The following AHCYL2 variants were observed in gnomAD, a reference collection of about 807,000 sequenced individuals.
The protein encoded by AHCYL2 is adenosylhomocysteinase like 2.
AHCYL2 carries 28 observed loss-of-function variants against 81.4 expected under a neutral mutation model. That is an observed-to-expected ratio of 0.34 (90% confidence interval 0.25 to 0.47). The LOEUF is 0.47. Ranked by LOEUF, AHCYL2 falls within the 20% of genes least tolerant of loss-of-function variation. The pLI, the probability that AHCYL2 is intolerant of heterozygous loss-of-function variation, is 1.00. For missense variants in AHCYL2, 551 were observed against 785.1 expected, an observed-to-expected ratio of 0.70 and a Z score of 3.56; for synonymous variants, 272 against 290.2, an observed-to-expected ratio of 0.94 and a Z score of 0.64.
At chr7:129,375,871 T>C in intron 1 of AHCYL2, 3 of 1,536,062 alleles carry the variant, frequency 2.0e-6, no homozygotes, top group South Asian at 1.2e-5. Flanking sequence ...AATGTCACTA[T>C]GCTGGGCAGC....
intron 2 of AHCYL2, among the ~76,000 whole-genome samples, chr7:129,386,651 T>C (rs928833800): frequency 1.3e-5 from 2 of 152,124 alleles, no homozygotes; most frequent in Non-Finnish European, 2.9e-5. Context: ...AAGCCAGAAA[T>C]TGGAATGCTT....
rs10526470 is a variant in AHCYL2, at chr7:129,365,628, G to GTATATATATATATA, written c.364-14006_364-13993dup. ...TAATACAGTTTACCTGGAGGATAGA[G>GTATATATATATATA]TATATATATATATATATGGGTATGA... On this transcript the variant is annotated intron_variant, in intron 1 of 16. Coordinates refer to ENST00000325006, the MANE Select transcript of AHCYL2 (RefSeq NM_015328.4). 2.3e-3 allele frequency among the ~76,000 whole-genome samples: 280 copies of GTATATATATATATA among 124,320 alleles called. 21 individuals carry two copies. The highest frequency in any genetic ancestry group is 7.2e-3 in the African/African-American group (216 of 29,992). The allele number at this position is 124,320 out of a possible 152,430, so 81.6% of individuals were successfully genotyped here. A position where few individuals can be genotyped will look rare whatever the true frequency, so the allele number is the denominator to read the frequency against.
At chr7:129,316,831 A>G (rs982042853) in intron 1 of AHCYL2, among the ~76,000 whole-genome samples, 4 of 152,250 alleles carry the variant, frequency 2.6e-5, no homozygotes, top group Non-Finnish European at 5.9e-5. Flanking sequence ...TAAAACAACA[A>G]CAACAACAAC....
intron 1 of AHCYL2, among the ~76,000 whole-genome samples, chr7:129,352,002 T>C (rs1793582935): frequency 6.6e-6 from 1 of 151,562 alleles, no homozygotes; most frequent in East Asian, 1.9e-4. Context: ...GATGAAGCCA[T>C]TAAAATGATT....
chr7:129,381,252 A>G (rs1300017893), intron 2 of AHCYL2, among the ~76,000 whole-genome samples: 2 of 152,156 alleles, frequency 1.3e-5, no homozygotes, highest in African/African-American at 2.4e-5. Flanking sequence ...TACACACTAG[A>G]TATACATATC....
chr7:129,302,643 A>G (rs1797293428), intron 1 of AHCYL2, among the ~76,000 whole-genome samples: 2 of 152,188 alleles, frequency 1.3e-5, no homozygotes, highest in Admixed American at 1.3e-4. Context: ...CTTCACTCTG[A>G]TGATAGGCTG....
At chr7:129,322,423 C>G (rs1389912415) in intron 1 of AHCYL2, among the ~76,000 whole-genome samples, 3 of 149,634 alleles carry the variant, frequency 2.0e-5, no homozygotes, top group Non-Finnish European at 4.4e-5. Context: ...TACAGGCGCA[C>G]TGCGCCCAGC....
At chr7:129,229,136 C>T (rs1055618626) in intron 1 of AHCYL2, among the ~76,000 whole-genome samples, 18 of 151,474 alleles carry the variant, frequency 1.2e-4, no homozygotes, top group Non-Finnish European at 2.2e-4. Context: ...GGTGCAATCT[C>T]AGCTCACCGC....
intron 1 of AHCYL2, among the ~76,000 whole-genome samples, chr7:129,303,772 T>C (rs1797331495): frequency 6.6e-6 from 1 of 152,150 alleles, no homozygotes; most frequent in Admixed American, 6.5e-5. Flanking sequence ...TTTTTTGATA[T>C]AGGAACTTAT....
intron 4 of AHCYL2, among the ~76,000 whole-genome samples, chr7:129,392,447 C>T (rs987368689): frequency 6.6e-6 from 1 of 152,210 alleles, no homozygotes; most frequent in Non-Finnish European, 1.5e-5. Context: ...CAAGCTTCCT[C>T]AGGCTTGTTT....
At chr7:129,380,692 C>T (rs1308477577) in intron 2 of AHCYL2, among the ~76,000 whole-genome samples, 2 of 152,100 alleles carry the variant, frequency 1.3e-5, no homozygotes, top group African/African-American at 4.8e-5. Flanking sequence ...GATATCACTT[C>T]CTATGGATTT....
chr7:129,353,211 G>A (rs1793628882), intron 1 of AHCYL2, among the ~76,000 whole-genome samples: 2 of 152,278 alleles, frequency 1.3e-5, no homozygotes, highest in South Asian at 4.1e-4. Context: ...GCCTCCCGAA[G>A]TGCTGGGATT....
At chr7:129,304,694 C>G (rs1026297899) in intron 1 of AHCYL2, among the ~76,000 whole-genome samples, 8 of 152,202 alleles carry the variant, frequency 5.3e-5, no homozygotes, top group South Asian at 2.1e-4. Context: ...GATACAAATA[C>G]AGTTAGTCTT....
In AHCYL2 at chr7:129,370,432, C is replaced by G. The variant is rs574376207; in HGVS notation, c.364-9206C>G. Reference sequence around the variant, plus strand: ...AAATTTGCAGCCGGGTGCGGTGGCTCACGCCTGTAATCCCAGCACTTTGGG... The same window carrying G: ...AAATTTGCAGCCGGGTGCGGTGGCTGACGCCTGTAATCCCAGCACTTTGGG... On this transcript the variant is annotated intron_variant, in intron 1 of 16. Transcript: ENST00000325006. Among the ~76,000 whole-genome samples, 128 of 152,214 alleles carry G rather than the reference C, an allele frequency of 8.4e-4. 1 individual carries two copies. Among genetic ancestry groups the G allele is most frequent in the African/African-American group, 2.5e-3 (104 of 41,544 alleles).
chr7:129,376,415 G>A (rs942764363), intron 1 of AHCYL2, among the ~76,000 whole-genome samples: 2 of 152,126 alleles, frequency 1.3e-5, no homozygotes, highest in South Asian at 2.1e-4. Context: ...ACTTGAATTC[G>A]GTGTCTAACC....
chr7:129,278,064 C>T (rs537649328), intron 1 of AHCYL2, among the ~76,000 whole-genome samples: 1 of 152,194 alleles, frequency 6.6e-6, no homozygotes, highest in Non-Finnish European at 1.5e-5. Flanking sequence ...TCCACATCCT[C>T]ATCAACATTT....
chr7:129,318,514 T>C (rs1158470424), intron 1 of AHCYL2, among the ~76,000 whole-genome samples: 1 of 152,242 alleles, frequency 6.6e-6, no homozygotes, highest in Admixed American at 6.5e-5. Flanking sequence ...AGGTGGCATT[T>C]TAAATCCATG....
rs187169065 is a variant in AHCYL2, at chr7:129,358,908, A to G, written c.364-20730A>G. Among the ~76,000 whole-genome samples, 1,091 of 152,346 alleles carry G rather than the reference A, an allele frequency of 7.2e-3. 4 individuals carry two copies. The highest frequency in any genetic ancestry group is 0.017 in the Middle Eastern group (5 of 294). On this transcript the variant is annotated intron_variant, in intron 1 of 16. Transcript: ENST00000325006. The stretch of plus-strand genomic sequence containing the variant: ...ACTGGAATACTGAGATCTTGCTGGT[A>G]GGAATATAAACTAGAACAAGTATTT...
rs1797404524 is a variant in AHCYL2, at chr7:129,427,248, C to T, written c.*203C>T. The T allele has an allele frequency of 3.8e-6, 2 of 525,246 alleles. No individual in the cohort carries two copies. The highest frequency in any genetic ancestry group is 6.6e-6 in the Non-Finnish European group (2 of 300,862). 32.5% of individuals were successfully genotyped at this position (525,246 alleles called of 1,614,324 possible). ...CAGAGTGTGGTTACTGCCCTGAGGG[C>T]CATGAAAGCCACAGAGGATGGGCTG... On this transcript the variant is annotated 3_prime_UTR_variant, in exon 17 of 17. Transcript: ENST00000325006. This position sits in a 1 kb window ranked among gnomAD's most constrained non-coding sequence, Gnocchi z 5.5.
Sources: allele counts gnomAD v4.1 joint callset (sites outside exome capture counted in the v4.1 genomes callset), GRCh38; gene constraint gnomAD v4.1.1; non-coding constraint Gnocchi (gnomAD v3.1); transcripts MANE v1.5; gene names NCBI Gene and HGNC (gene_info 2026-07-23, HGNC 2026-07-21).